The following AFAP1L2 variants were observed in gnomAD, a reference collection of about 807,000 sequenced individuals.
AFAP1L2 encodes actin filament associated protein 1 like 2.
AFAP1L2 carries 46 observed loss-of-function variants against 99.3 expected under a neutral mutation model. The observed-to-expected ratio is 0.46, with a 90% CI of 0.37 to 0.59. The LOEUF is 0.59. AFAP1L2 is among the 20% of genes least tolerant of loss of function. AFAP1L2 has a pLI of 0.00. For missense variants in AFAP1L2, 959 were observed against 1,034.9 expected (o/e 0.93, Z 1.01); for synonymous variants, 397 against 419.1 (o/e 0.95, Z 0.64).
chr10:114,281,833 C>A, the AFAP1L2 span: 2 of 834,478 alleles, frequency 2.4e-6, no homozygotes, highest in South Asian at 1.1e-4. Context: ...AAGTGAAGAC[C>A]AGAGGAGGAA....
chr10:114,323,438 T>C (rs1297592193), intron 4 of AFAP1L2, among the ~76,000 whole-genome samples, 177 bp from the exon 5 acceptor site: 2 of 152,166 alleles, frequency 1.3e-5, no homozygotes, highest in Non-Finnish European at 2.9e-5. Flanking sequence ...CAGTCCATAG[T>C]GTTTGGTCTG....
chr10:114,290,083 C>G, downstream of AFAP1L2: 1 of 920,370 alleles, frequency 1.1e-6, no homozygotes, highest in Non-Finnish European at 1.6e-6. Flanking sequence ...TCTTACTAAC[C>G]TAGCCAAGTG....
At chr10:114,327,692 T>C (rs1590206404) in intron 4 of AFAP1L2, among the ~76,000 whole-genome samples, 1 of 152,224 alleles carries the variant, frequency 6.6e-6, no homozygotes, top group South Asian at 2.1e-4. Context: ...CACAGACTAA[T>C]ACAACTAAAT....
the AFAP1L2 span, among the ~76,000 whole-genome samples, chr10:114,284,323 C>T: frequency 6.6e-6 from 1 of 152,118 alleles, no homozygotes; most frequent in African/African-American, 2.4e-5. Flanking sequence ...TCACAATAAC[C>T]CCACAGAACA....
chr10:114,342,280 C>T (rs1165696465), intron 1 of AFAP1L2, among the ~76,000 whole-genome samples: 2 of 151,374 alleles, frequency 1.3e-5, no homozygotes, highest in African/African-American at 4.9e-5. Flanking sequence ...GGTGGGGAGC[C>T]CTCTCCTCCC....
chr10:114,333,526 G>C (rs565704248), intron 2 of AFAP1L2, among the ~76,000 whole-genome samples: 1 of 152,268 alleles, frequency 6.6e-6, no homozygotes, highest in African/African-American at 2.4e-5. Context: ...AGGGTGTGGG[G>C]GCAGGTAAGA....
At chr10:114,286,959 T>C in the AFAP1L2 span, among the ~76,000 whole-genome samples, 1 of 152,210 alleles carries the variant, frequency 6.6e-6, no homozygotes, top group Non-Finnish European at 1.5e-5. Flanking sequence ...CACGGATGCA[T>C]GTGCATGCAC....
chr10:114,306,661 C>G (rs558725937), intron 10 of AFAP1L2, among the ~76,000 whole-genome samples: 1 of 152,144 alleles, frequency 6.6e-6, no homozygotes, highest in South Asian at 2.1e-4. Flanking sequence ...TCCTCTGGAC[C>G]ACAGAGAACT....
intron 2 of AFAP1L2, among the ~76,000 whole-genome samples, chr10:114,338,166 G>C (rs1367202090): frequency 1.3e-5 from 2 of 152,186 alleles, no homozygotes; most frequent in Non-Finnish European, 2.9e-5. Flanking sequence ...GTTCCACAGG[G>C]AACAGGGAAG....
Position 114,331,812 on chromosome 10 carries a change from T to C in AFAP1L2, c.306A>G (p.Pro102=), listed in dbSNP as rs754484134. 6 of 1,388,660 alleles carry C rather than the reference T, an allele frequency of 4.3e-6. No homozygotes were observed. The East Asian group carries it at 1.5e-4, about 35-fold the overall frequency. The allele number at this position is 1,388,660 out of a possible 1,614,324, so 86.0% of individuals were successfully genotyped here. A position where few individuals can be genotyped will look rare whatever the true frequency, so the allele number is the denominator to read the frequency against. The change falls in exon 4 of 19, where the codon CCA becomes CCG. Residue 102 remains proline (P), a synonymous_variant. Transcript: ENST00000304129. ...APQKSLPDLP[P]PKMIPERKQL... is the part of the protein sequence containing the mutation. Reference sequence around the variant, plus strand: ...CTGAACTGATGCTTACCATCTTGGGTGGCGGGAGGTCTGGAAGGCTCTTCT... The same window carrying C: ...CTGAACTGATGCTTACCATCTTGGGCGGCGGGAGGTCTGGAAGGCTCTTCT...
downstream of AFAP1L2, among the ~76,000 whole-genome samples, chr10:114,292,140 G>A (rs1180552361): frequency 6.6e-6 from 1 of 152,052 alleles, no homozygotes; most frequent in East Asian, 1.9e-4. Flanking sequence ...AGCCGGGGGT[G>A]GTGGTGGATG....
intron 4 of AFAP1L2, chr10:114,326,084 G>A (rs1321029938): frequency 7.9e-7 from 1 of 1,272,922 alleles, no homozygotes; most frequent in Non-Finnish European, 1.0e-6. Context: ...CCTTCTGCAG[G>A]AGCTCCCCAT....
At chr10:114,374,181 A>G (rs1404432312) in intron 1 of AFAP1L2, among the ~76,000 whole-genome samples, 1 of 152,102 alleles carries the variant, frequency 6.6e-6, no homozygotes, top group Non-Finnish European at 1.5e-5. Context: ...AGACTTTTAC[A>G]TGTTCACCCC....
At chr10:114,360,204 C>T (rs2136481125) in intron 1 of AFAP1L2, among the ~76,000 whole-genome samples, 2 of 152,302 alleles carry the variant, frequency 1.3e-5, no homozygotes, top group South Asian at 4.1e-4. Flanking sequence ...GGAATTCCTC[C>T]TGCCTGTCGG....
intron 3 of AFAP1L2, 148 bp downstream of exon 3, chr10:114,333,073 C>T: frequency 1.4e-6 from 1 of 694,118 alleles, no homozygotes; most frequent in Non-Finnish European, 2.5e-6. Context: ...CAAAATACGA[C>T]CAACAAAAAT....
chr10:114,385,418 C>T (rs755371473), intron 1 of AFAP1L2, among the ~76,000 whole-genome samples: 15 of 152,188 alleles, frequency 9.9e-5, no homozygotes, highest in Non-Finnish European at 4.4e-5. Flanking sequence ...CAGATCCAAA[C>T]ATGGCTGCAG....
chr10:114,315,611 C>G lies in AFAP1L2; in HGVS notation c.561G>C (p.Trp187Cys). Reference sequence around the variant, plus strand: ...AGAGCTGCTTGGCCCACTGTCCCAGCCACTTCTTGCGCCACAGGAAGGCGC... The same window carrying G: ...AGAGCTGCTTGGCCCACTGTCCCAGGCACTTCTTGCGCCACAGGAAGGCGC... ...RICAFLWRKK[W>C]LGQWAKQLCV... is the part of the protein sequence containing the mutation. The change falls in exon 6 of 19, where the codon TGG (tryptophan) becomes TGC (cysteine). Residue 187 changes from tryptophan to cysteine, a missense_variant. Trp to Cys is a radical substitution (Grantham distance 215, BLOSUM62 -2). Around this residue, in one of 2 missense-constraint regions of AFAP1L2, gnomAD observed 383 missense variants for 472.8 expected, o/e 0.81. Transcript: ENST00000304129. 1 of 1,614,192 alleles carries G rather than the reference C, an allele frequency of 6.2e-7. No individual in the cohort carries two copies. The highest frequency in any genetic ancestry group is 8.5e-7 in the Non-Finnish European group (1 of 1,180,042).
At chr10:114,285,997 G>A in the AFAP1L2 span, 7,068 of 1,613,772 alleles carry the variant, frequency 4.4e-3, 251 homozygotes, top group African/African-American at 0.079. Flanking sequence ...ACAGCTCTGC[G>A]GGCACCACTC....
intron 1 of AFAP1L2, among the ~76,000 whole-genome samples, chr10:114,357,869 G>A (rs2051626794): frequency 6.6e-6 from 1 of 152,074 alleles, no homozygotes; most frequent in African/African-American, 2.4e-5. Context: ...CCCTCACAGG[G>A]GCTTATTTGC....
Sources: allele counts gnomAD v4.1 joint callset (sites outside exome capture counted in the v4.1 genomes callset), GRCh38; gene constraint gnomAD v4.1.1; regional missense constraint gnomAD v4.1.1; transcripts MANE v1.5; gene names NCBI Gene and HGNC (gene_info 2026-07-23, HGNC 2026-07-21).